The following PKHD1L1 variants were observed in gnomAD, a reference collection of about 807,000 sequenced individuals.
The protein encoded by PKHD1L1 is fibrocystin-L.
PKHD1L1 carries 434 observed loss-of-function variants against 462.9 expected under a neutral mutation model. The ratio of observed to expected loss-of-function variants is 0.94; its 90% confidence interval spans 0.87 to 1.02. The LOEUF (loss-of-function observed/expected upper bound fraction) is 1.02, where lower values mean the gene tolerates loss of function less well. PKHD1L1 is among the 50% of genes least tolerant of loss of function. The pLI is 0.00. For synonymous variants in PKHD1L1, 1,781 were observed against 1,750.0 expected (o/e 1.02, Z -0.44); for missense variants, 5,202 against 5,096.1 (o/e 1.02, Z -0.63).
chr8:109,373,455 G>A (rs747805630), intron 2 of PKHD1L1, among the ~76,000 whole-genome samples: 2 of 150,120 alleles, frequency 1.3e-5, no homozygotes, highest in African/African-American at 2.4e-5. Context: ...CAAAAAACCA[G>A]CTCCTGGATT....
At chr8:109,367,990 G>A (rs1243989313) in intron 2 of PKHD1L1, among the ~76,000 whole-genome samples, 8 of 152,138 alleles carry the variant, frequency 5.3e-5, no homozygotes, top group Non-Finnish European at 2.9e-5. Context: ...AAAGTGTTTT[G>A]AACAATGGCA....
At chr8:109,406,753 A>C (rs1372833080) in intron 17 of PKHD1L1, among the ~76,000 whole-genome samples, 1 of 152,170 alleles carries the variant, frequency 6.6e-6, no homozygotes, top group Non-Finnish European at 1.5e-5. Context: ...ATTCATTCTG[A>C]AAATAAAATT....
rs138017711 is a variant in PKHD1L1, at chr8:109,491,679, T to C, written c.10115-194T>C. ...GCATCCCAGAAGATTCTAATTCAGG[T>C]AGTCTATTAAAGAGGTAGAGTTCAT... On this transcript the variant is annotated intron_variant, in intron 61 of 77. Coordinates refer to ENST00000378402, the MANE Select transcript of PKHD1L1 (RefSeq NM_177531.6). Among the ~76,000 whole-genome samples, 299 of 151,870 alleles carry C rather than the reference T, an allele frequency of 2.0e-3. 3 individuals are homozygous for C. Among genetic ancestry groups the C allele is most frequent in the African/African-American group, 7.1e-3 (294 of 41,510 alleles).
At chr8:109,529,616 T>C (rs1340597286) in intron 77 of PKHD1L1, among the ~76,000 whole-genome samples, 2 of 152,126 alleles carry the variant, frequency 1.3e-5, no homozygotes, top group African/African-American at 4.8e-5. Flanking sequence ...AATTAGTAAA[T>C]CATATAGCTC....
At position 109,425,236 on chromosome 8, in the gene PKHD1L1, T is replaced by A; in HGVS notation, c.2845+4T>A. 6.4e-7 allele frequency: 1 copy of A among 1,566,692 alleles called. No individual in the cohort carries two copies. Among genetic ancestry groups the A allele is most frequent in the African/African-American group, 1.4e-5 (1 of 72,210 alleles). ...GCTTATGGACATATTCTTAAAGGTA[T>A]ATGAAAAAAATTTAAAATATTGGTG... On this transcript the variant is annotated splice_donor_region_variant and intron_variant, in intron 24 of 77. Transcript: ENST00000378402.
Position 109,522,737 on chromosome 8 carries a change from T to G in PKHD1L1, c.12184-7T>G, listed in dbSNP as rs1220220189. 1 of 1,605,646 alleles carries G rather than the reference T, an allele frequency of 6.2e-7. No individual in the cohort carries two copies. Among genetic ancestry groups the G allele is most frequent in the Admixed American group, 1.8e-5 (1 of 57,026 alleles). On this transcript the variant is annotated splice_region_variant and splice_polypyrimidine_tract_variant and intron_variant, in intron 74 of 77. Coordinates refer to ENST00000378402, the MANE Select transcript of PKHD1L1 (RefSeq NM_177531.6). ...AAGAAACCAGTTCATCCCTTGTGCA[T>G]TCACAGGTGACTGCCCAGCCAGTTG...
At chr8:109,418,827 C>T (rs1814313603) in intron 21 of PKHD1L1, among the ~76,000 whole-genome samples, 1 of 152,158 alleles carries the variant, frequency 6.6e-6, no homozygotes, top group Non-Finnish European at 1.5e-5. Flanking sequence ...CTTGTTGTTA[C>T]AGAATGTTAT....
chr8:109,392,148 A>C (rs1812742064), intron 9 of PKHD1L1, among the ~76,000 whole-genome samples: 1 of 152,218 alleles, frequency 6.6e-6, no homozygotes, highest in Non-Finnish European at 1.5e-5. Context: ...TGTTAGGAAC[A>C]ATAATTATTG....
In PKHD1L1 at chr8:109,533,708, A is replaced by C. The variant is rs1821092153; in HGVS notation, c.*3618A>C. 6.6e-6 allele frequency among the ~76,000 whole-genome samples: 1 copy of C among 152,210 alleles called. No individual in the cohort carries two copies. The highest frequency in any genetic ancestry group is 1.5e-5 in the Non-Finnish European group (1 of 68,034). On this transcript the variant is annotated 3_prime_UTR_variant, in exon 78 of 78. Coordinates refer to ENST00000378402, the MANE Select transcript of PKHD1L1 (RefSeq NM_177531.6). ...CAAGATGGCTCCTGAGACCTGGAGG[A>C]TAAAGGCCAGTGCCTTTTATTGCTC...
In PKHD1L1 at chr8:109,448,097, T is replaced by C. The variant is rs750379540; in HGVS notation, c.5777-46T>C. The C allele has an allele frequency of 8.7e-6, 13 of 1,496,010 alleles. No homozygotes were observed. The South Asian group carries it at 1.7e-4, about 19-fold the overall frequency. 92.7% of individuals were successfully genotyped at this position (1,496,010 alleles called of 1,614,324 possible). A position where few individuals can be genotyped will look rare whatever the true frequency, so the allele number is the denominator to read the frequency against. ...AGGTATATCTTTAAATGGATGTGTA[T>C]TAATAGTTAGATATATTTATATTGT... On this transcript the variant is annotated intron_variant, in intron 38 of 77. Coordinates refer to ENST00000378402, the MANE Select transcript of PKHD1L1 (RefSeq NM_177531.6).
In PKHD1L1 at chr8:109,440,782, TGGTGGAAC is replaced by T; in HGVS notation, c.4030_4037del (p.Gly1344Ter). On this transcript the variant is annotated frameshift_variant, in exon 33 of 78. Transcript: ENST00000378402. LOFTEE classifies it high-confidence loss of function. ...TGTTTCCACAAAGAGGCTCCTTGTT[TGGTGGAAC>T]TGAAATCACCATAAGGGGTTTTGGA... 6.2e-7 allele frequency: 1 copy of T among 1,613,224 alleles called. No individual in the cohort carries two copies. The highest frequency in any genetic ancestry group is 2.2e-5 in the East Asian group (1 of 44,802).
chr8:109,427,339 C>T (rs1814814296), intron 25 of PKHD1L1, among the ~76,000 whole-genome samples, 183 bp downstream of exon 25: 2 of 152,156 alleles, frequency 1.3e-5, no homozygotes, highest in African/African-American at 4.8e-5. Context: ...CCAGTGTTCT[C>T]TTTCATGGAG....
intron 67 of PKHD1L1, among the ~76,000 whole-genome samples, chr8:109,504,101 A>G (rs720140): frequency 0.39 from 59,270 of 152,024 alleles, 11,756 homozygotes; most frequent in South Asian, 0.57. Flanking sequence ...ACCAAGTTAC[A>G]TGGCCAAGCC....
Position 109,486,824 on chromosome 8 carries a change from TG to T in PKHD1L1, c.9880+5del. Reference sequence around the variant, plus strand: ...TGAAAATATGATGACATTTAAAGGTTGGTATCAATTCAGTTTATTTTTCTAA... The same window carrying T: ...TGAAAATATGATGACATTTAAAGGTTGTATCAATTCAGTTTATTTTTCTAA... On this transcript the variant is annotated splice_donor_region_variant and intron_variant, in intron 59 of 77. Transcript: ENST00000378402. The T allele has an allele frequency of 1.2e-6, 2 of 1,610,448 alleles. No individual in the cohort carries two copies. Among genetic ancestry groups the T allele is most frequent in the Non-Finnish European group, 1.7e-6 (2 of 1,177,598 alleles).
chr8:109,397,308 G>A (rs1000183527), intron 11 of PKHD1L1, among the ~76,000 whole-genome samples: 3 of 152,092 alleles, frequency 2.0e-5, no homozygotes, highest in Non-Finnish European at 4.4e-5. Flanking sequence ...CCAATAAAAT[G>A]GGTGATTGGT....
chr8:109,429,916 G>T lies in PKHD1L1; in HGVS notation c.3124-16G>T, dbSNP rs1215155017. ...CTTTGCCCATGTTCTGTAGCTTCTT[G>T]TTTCTTTACTTGAAGGTTGAAGTCT... On this transcript the variant is annotated splice_polypyrimidine_tract_variant and intron_variant, in intron 26 of 77. Coordinates refer to ENST00000378402, the MANE Select transcript of PKHD1L1 (RefSeq NM_177531.6). 1 of 1,573,306 alleles carries T rather than the reference G, an allele frequency of 6.4e-7. No homozygotes were observed. Among genetic ancestry groups the T allele is most frequent in the South Asian group, 1.1e-5 (1 of 89,518 alleles).
At chr8:109,427,886 G>A (rs1814851454) in intron 25 of PKHD1L1, among the ~76,000 whole-genome samples, 1 of 151,842 alleles carries the variant, frequency 6.6e-6, no homozygotes, top group Non-Finnish European at 1.5e-5. Flanking sequence ...ACGTGGTAGT[G>A]CATGCCTGTA....
chr8:109,522,902 C>G lies in PKHD1L1; in HGVS notation c.12330+12C>G. ...CAACAGATTCTGACGTAAGTCATAA[C>G]TCAAAATTTTACTTAAGTGAAGGAA... is the stretch of plus-strand genomic sequence containing the variant. On this transcript the variant is annotated intron_variant, in intron 75 of 77. Coordinates refer to ENST00000378402, the MANE Select transcript of PKHD1L1 (RefSeq NM_177531.6). The G allele has an allele frequency of 6.3e-7, 1 of 1,583,662 alleles. No homozygotes were observed. Among genetic ancestry groups the G allele is most frequent in the Non-Finnish European group, 8.6e-7 (1 of 1,166,404 alleles).
At chr8:109,496,189 A>C (rs756420093) in intron 63 of PKHD1L1, among the ~76,000 whole-genome samples, 10 of 152,208 alleles carry the variant, frequency 6.6e-5, no homozygotes, top group Admixed American at 3.9e-4. Flanking sequence ...AGCTAGGTGC[A>C]ATGTCTTCTG....
Sources: gnomAD v4.1 joint callset for allele counts (sites outside exome capture counted in the v4.1 genomes callset) on GRCh38, gnomAD v4.1.1 for gene constraint, MANE v1.5 for transcripts, NCBI Gene and HGNC (gene_info 2026-07-23, HGNC 2026-07-21) for gene names.